SCFD2: variants seen among roughly 807,000 people sequenced by gnomAD.
SCFD2 encodes sec1 family domain-containing protein 2.
SCFD2 carries 54 observed loss-of-function variants against 58.9 expected under a neutral mutation model. The ratio of observed to expected loss-of-function variants is 0.92; its 90% CI spans 0.74 to 1.15. The LOEUF is 1.15. Among genes scored for constraint, SCFD2 ranks in the 50% most tolerant of loss-of-function variants. The probability of loss-of-function intolerance (pLI) is 0.00; values close to 1 mark genes in which losing one functional copy is unlikely to be tolerated. For missense variants in SCFD2, 805 were observed against 836.6 expected (o/e 0.96, Z 0.47); for synonymous variants, 321 against 335.9 (o/e 0.96, Z 0.49).
chr4:53,249,231 T>G (rs563366301), intron 4 of SCFD2, among the ~76,000 whole-genome samples: 2 of 151,798 alleles, frequency 1.3e-5, no homozygotes, highest in Admixed American at 1.3e-4. Context: ...ATGAATAAAA[T>G]GAAGTGAGAA....
At chr4:53,237,999 G>A (rs1231294027) in intron 4 of SCFD2, among the ~76,000 whole-genome samples, 15 of 104,520 alleles carry the variant, frequency 1.4e-4, no homozygotes, top group East Asian at 6.7e-4. Context: ...TGGCCGGGCA[G>A]GGGGCTGATC....
chr4:52,989,598 C>G (rs188223218), intron 5 of SCFD2, among the ~76,000 whole-genome samples: 3 of 152,274 alleles, frequency 2.0e-5, no homozygotes, highest in Non-Finnish European at 4.4e-5. Context: ...TCAGAAATTT[C>G]TATCAGACAA....
chr4:53,109,344 A>C (rs899563131), intron 5 of SCFD2, among the ~76,000 whole-genome samples: 5 of 152,180 alleles, frequency 3.3e-5, no homozygotes, highest in African/African-American at 1.2e-4. Flanking sequence ...CCTATTCAAC[A>C]TAATATTGGA....
chr4:53,141,244 C>T (rs1172750112), intron 5 of SCFD2, among the ~76,000 whole-genome samples: 3 of 152,106 alleles, frequency 2.0e-5, no homozygotes, highest in African/African-American at 7.2e-5. Flanking sequence ...ATACTAATGA[C>T]AGTCACAGAG....
chr4:52,930,759 T>C lies in SCFD2; in HGVS notation c.1562-9889A>G, dbSNP rs994335595. Among the ~76,000 whole-genome samples the C allele has an allele frequency of 3.3e-5, 5 of 152,156 alleles. 1 individual carries two copies. In the South Asian group the frequency reaches 6.2e-4, roughly 19 times the overall value. On this transcript the variant is annotated intron_variant, in intron 5 of 8. Coordinates refer to ENST00000401642, the MANE Select transcript of SCFD2 (RefSeq NM_152540.4). ...TCACAGTAATTCATACAATTTCATA[T>C]ATTGGTCATTAAGTTGTCTATTAAA...
intron 5 of SCFD2, among the ~76,000 whole-genome samples, chr4:53,100,711 A>C (rs1211318904): frequency 1.3e-5 from 2 of 152,216 alleles, no homozygotes; most frequent in African/African-American, 4.8e-5. Context: ...TAAGTGTTCA[A>C]GATTACAGAA....
At chr4:53,019,643 G>A (rs1261075672) in intron 5 of SCFD2, among the ~76,000 whole-genome samples, 5 of 152,150 alleles carry the variant, frequency 3.3e-5, no homozygotes, top group Non-Finnish European at 7.4e-5. Flanking sequence ...TATCAACGTT[G>A]TTGAAATTCT....
At chr4:53,143,474 G>A (rs1726227692) in intron 5 of SCFD2, among the ~76,000 whole-genome samples, 1 of 152,154 alleles carries the variant, frequency 6.6e-6, no homozygotes, top group African/African-American at 2.4e-5. Context: ...ATGGCTTTAA[G>A]TTTTTCTTAA....
At chr4:53,316,541 A>G (rs984410055) in intron 2 of SCFD2, among the ~76,000 whole-genome samples, 6 of 152,152 alleles carry the variant, frequency 3.9e-5, no homozygotes, top group African/African-American at 1.4e-4. Context: ...TGTTACTAGT[A>G]TTACTGTTGT....
chr4:52,904,290 G>A (rs552922024), intron 7 of SCFD2, among the ~76,000 whole-genome samples: 3 of 152,192 alleles, frequency 2.0e-5, no homozygotes, highest in Non-Finnish European at 2.9e-5. Flanking sequence ...GAAGGATTCC[G>A]CATTGATAAC....
intron 2 of SCFD2, among the ~76,000 whole-genome samples, chr4:53,328,879 T>C (rs1428651793): frequency 6.6e-6 from 1 of 152,146 alleles, no homozygotes; most frequent in South Asian, 2.1e-4. Flanking sequence ...CGCAGGTCAG[T>C]GGGTGCGCGC....
chr4:53,349,564 C>T (rs1275192362), intron 2 of SCFD2, among the ~76,000 whole-genome samples: 10 of 152,184 alleles, frequency 6.6e-5, no homozygotes, highest in Non-Finnish European at 4.4e-5. Flanking sequence ...CCAAGAAGCC[C>T]TAAGACTTTC....
chr4:53,030,547 C>T lies in SCFD2; in HGVS notation c.1562-109677G>A, dbSNP rs145539950. On this transcript the variant is annotated intron_variant, in intron 5 of 8. Transcript: ENST00000401642. ...CAGCGATTCTCCTGCATCAGCCTCC[C>T]GGGTACCTGCGACTACAGACGCATG... Among the ~76,000 whole-genome samples the T allele has an allele frequency of 5.4e-3, 815 of 152,154 alleles. 10 individuals carry two copies. The highest frequency in any genetic ancestry group is 0.019 in the African/African-American group (781 of 41,506).
chr4:53,326,944 T>C (rs13118207), intron 2 of SCFD2, among the ~76,000 whole-genome samples: 4,223 of 151,738 alleles, frequency 0.028, 97 homozygotes, highest in Non-Finnish European at 0.046. Flanking sequence ...AAGTAGGTAC[T>C]GATCACTTAA....
intron 5 of SCFD2, among the ~76,000 whole-genome samples, chr4:53,080,509 A>T (rs1299853004): frequency 3.3e-5 from 5 of 152,212 alleles, no homozygotes; most frequent in Admixed American, 2.0e-4. Flanking sequence ...CAGGATTTTT[A>T]AAATGCCTGA....
At chr4:52,904,272 G>A (rs1233675875) in intron 7 of SCFD2, among the ~76,000 whole-genome samples, 3 of 152,222 alleles carry the variant, frequency 2.0e-5, no homozygotes, top group African/African-American at 4.8e-5. Flanking sequence ...GCAGCACCCT[G>A]AGCACAGGAA....
At chr4:53,221,224 T>C (rs1406393344) in intron 4 of SCFD2, among the ~76,000 whole-genome samples, 1 of 152,296 alleles carries the variant, frequency 6.6e-6, no homozygotes, top group East Asian at 1.9e-4. Flanking sequence ...TCTTGGAGAT[T>C]TGAAAGTAAG....
intron 4 of SCFD2, among the ~76,000 whole-genome samples, chr4:53,149,344 C>CTTTTGTGT (rs1441709814): frequency 6.6e-6 from 1 of 152,150 alleles, no homozygotes; most frequent in Non-Finnish European, 1.5e-5. Flanking sequence ...ACACACAAGC[C>CTTTTGTGT]AAATGTAAGA....
intron 8 of SCFD2, among the ~76,000 whole-genome samples, chr4:52,881,583 C>T (rs529877593): frequency 8.5e-5 from 13 of 152,332 alleles, no homozygotes; most frequent in Middle Eastern, 3.4e-3. Flanking sequence ...TAAATGCCTG[C>T]TGAATCATTA....
Sources: gnomAD v4.1 joint callset for allele counts (sites outside exome capture counted in the v4.1 genomes callset) on GRCh38, gnomAD v4.1.1 for gene constraint, MANE v1.5 for transcripts, NCBI Gene and HGNC (gene_info 2026-07-23, HGNC 2026-07-21) for gene names.